The following SWT1 variants were observed in gnomAD, a reference collection of about 807,000 sequenced individuals.
SWT1 encodes the protein SWT1 RNA endoribonuclease homolog.
Under a neutral mutation model 107.3 loss-of-function variants are expected in SWT1, and 33 were observed. The observed-to-expected ratio is 0.31, with a 90% CI of 0.23 to 0.41. SWT1 has a LOEUF of 0.41. Among genes scored for constraint, SWT1 ranks in the 10% least tolerant of loss-of-function variants. The probability of loss-of-function intolerance (pLI) is 1.00; values close to 1 mark genes in which losing one functional copy is unlikely to be tolerated. For missense variants in SWT1, 898 were observed against 1,028.9 expected, an observed-to-expected ratio of 0.87 and a Z score of 1.74; for synonymous variants, 345 against 348.3, an observed-to-expected ratio of 0.99 and a Z score of 0.11.
At chr1:185,177,245 T>C (rs1042072782) in intron 5 of SWT1, among the ~76,000 whole-genome samples, 10 of 152,234 alleles carry the variant, frequency 6.6e-5, no homozygotes, top group Admixed American at 6.5e-4. Context: ...AACTTGAAGT[T>C]GCCAGTATGT....
chr1:185,216,976 GAAAA>G (rs370717313), intron 14 of SWT1, among the ~76,000 whole-genome samples: 2,298 of 150,710 alleles, frequency 0.015, 57 homozygotes, highest in African/African-American at 0.052. Flanking sequence ...GAAAAGAAAA[GAAAA>G]AAACCAGTGA....
At chr1:185,209,770 T>C (rs1658624495) in intron 13 of SWT1, among the ~76,000 whole-genome samples, 3 of 152,218 alleles carry the variant, frequency 2.0e-5, no homozygotes, top group Non-Finnish European at 4.4e-5. Flanking sequence ...AAATGATATT[T>C]CTAGTTCTAG....
At chr1:185,281,929 A>G (rs1274228041) in intron 18 of SWT1, 1 of 152,188 alleles carries the variant, frequency 6.6e-6, no homozygotes, top group Non-Finnish European at 1.5e-5. Context: ...TCTATTGACA[A>G]CCCTCTGCTT....
At chr1:185,159,445 G>A (rs998445780) in intron 1 of SWT1, among the ~76,000 whole-genome samples, 15 of 152,188 alleles carry the variant, frequency 9.9e-5, no homozygotes, top group African/African-American at 3.6e-4. Context: ...CAGCAGGGCT[G>A]GAAAAGTGAG....
intron 18 of SWT1, among the ~76,000 whole-genome samples, chr1:185,289,985 C>G (rs1277616843): frequency 2.0e-5 from 3 of 152,036 alleles, no homozygotes; most frequent in African/African-American, 4.8e-5. Context: ...TAGAGTTTGG[C>G]TAGATGCACT....
At position 185,170,967 on chromosome 1, in the gene SWT1, C is replaced by T. The variant is rs534330816; in HGVS notation, c.224+2569C>T. ...TCTTTTAAGTAATGAGAGAAGCCCACTTGTATTCCTGAATCATTTTTTGAG... is the reference window on the plus strand; with the variant it reads ...TCTTTTAAGTAATGAGAGAAGCCCATTTGTATTCCTGAATCATTTTTTGAG... On this transcript the variant is annotated intron_variant, in intron 4 of 18. Transcript: ENST00000367500. Among the ~76,000 whole-genome samples, 7 of 152,256 alleles carry T rather than the reference C, an allele frequency of 4.6e-5. 1 individual carries two copies. In the South Asian group the frequency reaches 1.5e-3, roughly 32 times the overall value.
intron 18 of SWT1, 76 bp downstream of exon 18, chr1:185,276,744 T>G: frequency 1.5e-6 from 1 of 685,264 alleles, no homozygotes; most frequent in African/African-American, 1.8e-5. Flanking sequence ...GTGGTGGTGG[T>G]GGTGGTGATG....
Position 185,174,437 on chromosome 1 carries a change from T to C in SWT1, c.290T>C (p.Ile97Thr). 1 of 1,602,898 alleles carries C rather than the reference T, an allele frequency of 6.2e-7. No individual in the cohort carries two copies. Among genetic ancestry groups the C allele is most frequent in the Non-Finnish European group, 8.5e-7 (1 of 1,176,872 alleles). ...ATCGGTTCTTCATCCCAAAGACCTA[T>C]TAAACTCAAAGAAGCATCATATTCA... ...PKIGSSSQRP[I>T]KLKEASYSND... is the part of the protein sequence containing the mutation. The change falls in exon 5 of 19, where the codon ATT becomes ACT. Residue 97 changes from isoleucine to threonine, a missense_variant. Ile to Thr is a moderately conservative substitution (Grantham distance 89). Coordinates refer to ENST00000367500, the MANE Select transcript of SWT1 (RefSeq NM_017673.7).
intron 10 of SWT1, among the ~76,000 whole-genome samples, chr1:185,192,024 T>C (rs543608360): frequency 1.3e-5 from 2 of 152,308 alleles, no homozygotes; most frequent in South Asian, 2.1e-4. Flanking sequence ...GTATAAGTCA[T>C]ACCTACTATT....
chr1:185,275,362 A>G (rs745465862), intron 17 of SWT1, among the ~76,000 whole-genome samples: 1 of 151,192 alleles, frequency 6.6e-6, no homozygotes, highest in African/African-American at 2.4e-5. Flanking sequence ...ATTTTTTATA[A>G]CATTTTTAGA....
At chr1:185,208,740 A>T (rs919367177) in intron 13 of SWT1, among the ~76,000 whole-genome samples, 1 of 135,388 alleles carries the variant, frequency 7.4e-6, no homozygotes, top group African/African-American at 3.0e-5. Context: ...TTCGATGAAT[A>T]TCTTTTTTTT....
Position 185,273,051 on chromosome 1 carries a change from G to A in SWT1, c.2508+1662G>A, listed in dbSNP as rs1445403783. On this transcript the variant is annotated intron_variant, in intron 17 of 18. Transcript: ENST00000367500. ...CTGTCTCAAAAAAAAAAAGGGGGAGGGGATGGTTAACTAGTTTTATTTAAG... is the reference window on the plus strand; with the variant it reads ...CTGTCTCAAAAAAAAAAAGGGGGAGAGGATGGTTAACTAGTTTTATTTAAG... Among the ~76,000 whole-genome samples, 3 of 151,616 alleles carry A rather than the reference G, an allele frequency of 2.0e-5. No individual in the cohort carries two copies. The East Asian group carries it at 5.8e-4, about 29-fold the overall frequency.
At chr1:185,213,929 G>T (rs1413999570) in intron 13 of SWT1, among the ~76,000 whole-genome samples, 1 of 151,966 alleles carries the variant, frequency 6.6e-6, no homozygotes, top group South Asian at 2.1e-4. Context: ...AATTCTGCAG[G>T]CTTCTTTTGC....
chr1:185,202,156 A>G (rs1291935742), intron 10 of SWT1, among the ~76,000 whole-genome samples: 1 of 152,136 alleles, frequency 6.6e-6, no homozygotes, highest in African/African-American at 2.4e-5. Flanking sequence ...AACTGGTCTC[A>G]TGCACTATGT....
chr1:185,167,279 CTG>C (rs937914005), intron 3 of SWT1, among the ~76,000 whole-genome samples: 7 of 152,318 alleles, frequency 4.6e-5, no homozygotes, highest in East Asian at 1.9e-4. Context: ...GGCCACAAAA[CTG>C]TGTACAGCAA....
intron 16 of SWT1, chr1:185,264,588 A>G: frequency 2.9e-6 from 1 of 347,818 alleles, no homozygotes; most frequent in Non-Finnish European, 4.0e-6. Context: ...TGACATAAGT[A>G]CTATTGTTGT....
chr1:185,218,938 T>C (rs1298409856), intron 14 of SWT1, among the ~76,000 whole-genome samples: 1 of 152,234 alleles, frequency 6.6e-6, no homozygotes, highest in Non-Finnish European at 1.5e-5. Flanking sequence ...TAGTAAGTGC[T>C]ATGTAGTATT....
chr1:185,173,069 A>G (rs1356276094), intron 4 of SWT1, among the ~76,000 whole-genome samples: 7 of 151,472 alleles, frequency 4.6e-5, no homozygotes, highest in Admixed American at 3.9e-4. Flanking sequence ...AAAGAAGAAA[A>G]TGGTATGTTA....
intron 15 of SWT1, among the ~76,000 whole-genome samples, chr1:185,229,537 T>C (rs2102561643): frequency 6.6e-6 from 1 of 151,988 alleles, no homozygotes; most frequent in Non-Finnish European, 1.5e-5. Context: ...TGATGGTATC[T>C]AGTATATAGT....
Sources: allele counts gnomAD v4.1 joint callset (sites outside exome capture counted in the v4.1 genomes callset), GRCh38; gene constraint gnomAD v4.1.1; transcripts MANE v1.5; gene names NCBI Gene and HGNC (gene_info 2026-07-23, HGNC 2026-07-21).